NLGN1: variants seen among roughly 807,000 people sequenced by gnomAD.
NLGN1 encodes neuroligin-1.
Under a neutral mutation model 65.5 loss-of-function variants are expected in NLGN1, and 12 were observed. The observed-to-expected ratio is 0.18, with a 90% CI of 0.12 to 0.30. The LOEUF (loss-of-function observed/expected upper bound fraction) is 0.30. Ranked by LOEUF, NLGN1 falls within the 10% of genes least tolerant of loss-of-function variation. The pLI, the probability that NLGN1 is intolerant of heterozygous loss-of-function variation, is 1.00. For missense variants in NLGN1, 750 were observed against 1,007.1 expected (o/e 0.74, Z 3.46); for synonymous variants, 350 against 359.5 (o/e 0.97, Z 0.30).
intron 4 of NLGN1, among the ~76,000 whole-genome samples, chr3:173,859,731 G>C (rs1270479860): frequency 6.6e-6 from 1 of 151,924 alleles, no homozygotes; most frequent in Non-Finnish European, 1.5e-5. Context: ...ATAATTTTTA[G>C]AGGTGGTCTA....
At chr3:173,869,178 G>A (rs1174215514) in intron 4 of NLGN1, among the ~76,000 whole-genome samples, 3 of 152,094 alleles carry the variant, frequency 2.0e-5, no homozygotes, top group African/African-American at 7.2e-5. Context: ...ATGGCAAATA[G>A]CATTAAATCC....
intron 4 of NLGN1, among the ~76,000 whole-genome samples, chr3:174,269,022 C>A (rs923690752): frequency 6.6e-6 from 1 of 151,530 alleles, no homozygotes; most frequent in African/African-American, 2.4e-5. Flanking sequence ...TCCTTCATTG[C>A]TTTCTAAGAA....
chr3:173,699,888 G>GA (rs1766853348), intron 3 of NLGN1, among the ~76,000 whole-genome samples: 1 of 152,090 alleles, frequency 6.6e-6, no homozygotes, highest in African/African-American at 2.4e-5. Context: ...GAGGAAGATA[G>GA]AAAAAGAAAA....
At chr3:173,476,798 A>G (rs1279806037) in intron 2 of NLGN1, among the ~76,000 whole-genome samples, 1 of 152,200 alleles carries the variant, frequency 6.6e-6, no homozygotes, top group Non-Finnish European at 1.5e-5. Flanking sequence ...AGAACATTTC[A>G]GTATATTACA....
chr3:173,803,786 T>C (rs1716001171), intron 3 of NLGN1, among the ~76,000 whole-genome samples: 2 of 152,150 alleles, frequency 1.3e-5, no homozygotes, highest in Non-Finnish European at 2.9e-5. Context: ...TTGAGGTTCA[T>C]AAAAATGACT....
intron 4 of NLGN1, among the ~76,000 whole-genome samples, chr3:174,028,741 C>T (rs1176347384): frequency 6.6e-6 from 1 of 152,184 alleles, no homozygotes; most frequent in African/African-American, 2.4e-5. Context: ...CAAAAATTTG[C>T]ATAAGTCATG....
chr3:173,996,976 A>G (rs1401029831), intron 4 of NLGN1, among the ~76,000 whole-genome samples: 1 of 152,070 alleles, frequency 6.6e-6, no homozygotes, highest in African/African-American at 2.4e-5. Flanking sequence ...ATACAAGACA[A>G]TGTTTTTTAA....
intron 4 of NLGN1, among the ~76,000 whole-genome samples, chr3:174,009,950 G>A (rs973900447): frequency 2.0e-5 from 3 of 152,058 alleles, no homozygotes; most frequent in Non-Finnish European, 4.4e-5. Context: ...GTGATGCTAC[G>A]TGAAGAGCAT....
At chr3:174,183,060 TCCA>T (rs1730734799) in intron 4 of NLGN1, among the ~76,000 whole-genome samples, 1 of 152,090 alleles carries the variant, frequency 6.6e-6, no homozygotes, top group Non-Finnish European at 1.5e-5. Context: ...AGACTCAATT[TCCA>T]CCACTTCTAC....
intron 1 of NLGN1, among the ~76,000 whole-genome samples, chr3:173,399,159 TG>T (rs1007914499): frequency 1.3e-5 from 2 of 152,246 alleles, no homozygotes; most frequent in African/African-American, 4.8e-5. Context: ...GCAGAGTGAT[TG>T]AGTGATTCAC....
intron 4 of NLGN1, among the ~76,000 whole-genome samples, chr3:174,139,042 A>C (rs947904853): frequency 2.0e-5 from 3 of 152,172 alleles, no homozygotes; most frequent in Non-Finnish European, 2.9e-5. Context: ...AATATTTTGT[A>C]GTAAAATTAA....
At chr3:174,275,198 A>G in intron 4 of NLGN1, 117 bp from the exon 5 acceptor site, 1 of 688,298 alleles carries the variant, frequency 1.5e-6, no homozygotes, top group Non-Finnish European at 2.4e-6. Context: ...AATAATTTTT[A>G]CTAATGAACT....
intron 4 of NLGN1, among the ~76,000 whole-genome samples, chr3:174,163,956 G>T (rs1370638565): frequency 6.6e-6 from 1 of 151,994 alleles, no homozygotes; most frequent in African/African-American, 2.4e-5. Flanking sequence ...ACTCAGTAAT[G>T]GGATTGCTGG....
intron 4 of NLGN1, among the ~76,000 whole-genome samples, chr3:174,041,437 C>A (rs1481972883): frequency 6.6e-6 from 1 of 152,028 alleles, no homozygotes; most frequent in Non-Finnish European, 1.5e-5. Flanking sequence ...AATAAAACTG[C>A]TATGAGTGTT....
intron 4 of NLGN1, among the ~76,000 whole-genome samples, chr3:174,236,925 C>T (rs535745182): frequency 1.3e-5 from 2 of 152,158 alleles, no homozygotes; most frequent in South Asian, 2.1e-4. Flanking sequence ...CATCTATATA[C>T]ACTCTGCTTC....
chr3:173,626,940 G>A (rs1235237147), intron 3 of NLGN1, among the ~76,000 whole-genome samples: 1 of 151,964 alleles, frequency 6.6e-6, no homozygotes, highest in East Asian at 1.9e-4. Context: ...AGGAGGAAAA[G>A]GTAGATTTTC....
At position 173,643,609 on chromosome 3, in the gene NLGN1, C is replaced by G. The variant is rs1757745749; in HGVS notation, c.493+38518C>G. On this transcript the variant is annotated intron_variant, in intron 3 of 6. Coordinates refer to ENST00000457714, the Ensembl canonical transcript of NLGN1. ...GTACAATGGAAACAGATGCTCATTC[C>G]TCATTCACTCGATTGACATGTAAGA... Among the ~76,000 whole-genome samples, 9 of 152,302 alleles carry G rather than the reference C, an allele frequency of 5.9e-5. No homozygotes were observed. The South Asian group carries it at 1.9e-3, about 32-fold the overall frequency.
intron 4 of NLGN1, among the ~76,000 whole-genome samples, chr3:174,236,989 A>G (rs1361569741): frequency 6.6e-6 from 1 of 152,114 alleles, no homozygotes; most frequent in African/African-American, 2.4e-5. Flanking sequence ...TTGAGCACCT[A>G]TTATATACTA....
chr3:173,785,436 T>C (rs1781799118), intron 3 of NLGN1, among the ~76,000 whole-genome samples: 1 of 152,178 alleles, frequency 6.6e-6, no homozygotes. Flanking sequence ...CTAAAAATGA[T>C]TTTCTTCTCC....
Sources: allele counts gnomAD v4.1 joint callset (sites outside exome capture counted in the v4.1 genomes callset), GRCh38; gene constraint gnomAD v4.1.1; transcripts MANE v1.5; gene names NCBI Gene and HGNC (gene_info 2026-07-23, HGNC 2026-07-21).